Variants in RPL41 observed in about 807,000 individuals in gnomAD.
RPL41 encodes the protein small ribosomal subunit protein eS32.
RPL41 carries 3 observed loss-of-function variants against 7.3 expected under a neutral mutation model. The ratio of observed to expected loss-of-function variants is 0.41; its 90% CI spans 0.19 to 1.06. RPL41 has a LOEUF of 1.06. RPL41 is among the 50% of genes least tolerant of loss of function. The pLI, the probability that RPL41 is intolerant of heterozygous loss-of-function variation, is 0.32. For missense variants in RPL41, 13 were observed against 30.4 expected (o/e 0.43, Z 1.35); for synonymous variants, 9 against 7.4 (o/e 1.21, Z -0.34).
At chr12:56,117,156 T>C in intron 1 of RPL41, 33 bp from the exon 2 acceptor site, 1 of 1,532,232 alleles carries the variant, frequency 6.5e-7, no homozygotes, top group Non-Finnish European at 8.7e-7. Context: ...TTTTTTTTTT[T>C]TTAATTATCT....
rs573142473 is a variant in RPL41 at position 56,117,683 on chromosome 12, GACC to G, written c.*160_*162del. The G allele has an allele frequency of 1.5e-6, 1 of 653,660 alleles. No individual in the cohort carries two copies. The highest frequency in any genetic ancestry group is 1.7e-5 in the South Asian group (1 of 59,226). 40.5% of individuals were successfully genotyped at this position (653,660 alleles called of 1,614,324 possible). On this transcript the variant is annotated 3_prime_UTR_variant, in exon 3 of 3. Transcript: ENST00000546591. ...CCCTCTGATCGCCGATCACCTCTGA[GACC>G]CACCTTGCTCATAAACAAAATGCCC...
At position 56,117,740 on chromosome 12, in the gene RPL41, C is replaced by T. The variant is rs1869665256; in HGVS notation, c.*216C>T. ...TTGGTCCTCTGCCCTGGACCTGTGA[C>T]ATTCTGGACTATTTCTGTGTTTATT... On this transcript the variant is annotated 3_prime_UTR_variant, in exon 3 of 3. Transcript: ENST00000546591. 2 of 567,664 alleles carry T rather than the reference C, an allele frequency of 3.5e-6. No individual in the cohort carries two copies. The highest frequency in any genetic ancestry group is 6.4e-6 in the Non-Finnish European group (2 of 314,778). The allele number at this position is 567,664 out of a possible 1,614,324, so 35.2% of individuals were successfully genotyped here.
In RPL41 at chr12:56,116,878, C is replaced by T. The variant is rs1869620501; in HGVS notation, c.12+79C>T. 8 of 1,543,128 alleles carry T rather than the reference C, an allele frequency of 5.2e-6. No individual in the cohort carries two copies. In the Admixed American group the frequency reaches 1.0e-4, roughly 19 times the overall value. On this transcript the variant is annotated intron_variant, in intron 1 of 2. Transcript: ENST00000546591. ...AGGAGACGAAGGCAAGTCCGCCATA[C>T]CTCCTGAACTACTGGGTTTCAAGGG... is the stretch of plus-strand genomic sequence containing the variant.
At chr12:56,116,832 A>G in intron 1 of RPL41, 33 bp downstream of exon 1, 1 of 1,613,844 alleles carries the variant, frequency 6.2e-7, no homozygotes, top group Non-Finnish European at 8.5e-7. Flanking sequence ...CTTGGGAGGT[A>G]GGAGTTGGCG....
At chr12:56,116,895 T>A (rs978517820) in intron 1 of RPL41, 96 bp downstream of exon 1, 1 of 1,499,220 alleles carries the variant, frequency 6.7e-7, no homozygotes, top group African/African-American at 1.4e-5. Flanking sequence ...AACTACTGGG[T>A]TTCAAGGGTG....
At position 56,117,818 on chromosome 12, in the gene RPL41, T is replaced by A. The variant is rs1452887493; in HGVS notation, c.*294T>A. 1 of 433,946 alleles carries A rather than the reference T, an allele frequency of 2.3e-6. No individual in the cohort carries two copies. The highest frequency in any genetic ancestry group is 4.3e-6 in the Non-Finnish European group (1 of 232,170). The allele number at this position is 433,946 out of a possible 1,614,324, so 26.9% of individuals were successfully genotyped here. A position where few individuals can be genotyped will look rare whatever the true frequency, so the allele number is the denominator to read the frequency against. On this transcript the variant is annotated 3_prime_UTR_variant, in exon 3 of 3. Transcript: ENST00000546591. ...AAATCACCTCTTCCGCTGTTTTAGC[T>A]GAAGAATTAAATCATCTTGTCTATT...
Position 56,116,666 on chromosome 12 carries a change from G to GT in RPL41, c.-116dup. On this transcript the variant is annotated 5_prime_UTR_variant, in exon 1 of 3. Coordinates refer to ENST00000546591, the MANE Select transcript of RPL41 (RefSeq NM_001035267.2). ...CTTAGCGCCATTTTTTTGGGTGAGT[G>GT]TTTTTTGGTTCCTGCGTTGGGATTC... 4.8e-6 allele frequency: 6 copies of GT among 1,261,548 alleles called. No homozygotes were observed. The highest frequency in any genetic ancestry group is 1.7e-5 in the Admixed American group (1 of 57,876). The allele number at this position is 1,261,548 out of a possible 1,614,324, so 78.1% of individuals were successfully genotyped here.
chr12:56,116,661 T>G lies in RPL41; in HGVS notation c.-127T>G. On this transcript the variant is annotated 5_prime_UTR_variant, in exon 1 of 3. Coordinates refer to ENST00000546591, the MANE Select transcript of RPL41 (RefSeq NM_001035267.2). Reference sequence around the variant, plus strand: ...TCGGCCTTAGCGCCATTTTTTTGGGTGAGTGTTTTTTGGTTCCTGCGTTGG... The same window carrying G: ...TCGGCCTTAGCGCCATTTTTTTGGGGGAGTGTTTTTTGGTTCCTGCGTTGG... 2 of 1,155,858 alleles carry G rather than the reference T, an allele frequency of 1.7e-6. No individual in the cohort carries two copies. Among genetic ancestry groups the G allele is most frequent in the South Asian group, 1.2e-5 (1 of 80,660 alleles). The allele number at this position is 1,155,858 out of a possible 1,614,324, so 71.6% of individuals were successfully genotyped here.
rs1346077466 is a variant in RPL41, at chr12:56,117,634, C to T, written c.*110C>T. ...CTGCATGCTACTGTCTAGAGCTTGTCTCAATGGATCTAGAACTTCATCGCC... is the reference window on the plus strand; with the variant it reads ...CTGCATGCTACTGTCTAGAGCTTGTTTCAATGGATCTAGAACTTCATCGCC... On this transcript the variant is annotated 3_prime_UTR_variant, in exon 3 of 3. Coordinates refer to ENST00000546591, the MANE Select transcript of RPL41 (RefSeq NM_001035267.2). 4 of 836,742 alleles carry T rather than the reference C, an allele frequency of 4.8e-6. No individual in the cohort carries two copies. The African/African-American group carries it at 5.0e-5, about 11-fold the overall frequency. 51.8% of individuals were successfully genotyped at this position (836,742 alleles called of 1,614,324 possible). A position where few individuals can be genotyped will look rare whatever the true frequency, so the allele number is the denominator to read the frequency against.
At position 56,117,560 on chromosome 12, in the gene RPL41, C is replaced by T. The variant is rs187497064; in HGVS notation, c.*36C>T. 3.4e-6 allele frequency: 5 copies of T among 1,482,940 alleles called. No individual in the cohort carries two copies. The African/African-American group carries it at 4.2e-5, about 12-fold the overall frequency. The allele number at this position is 1,482,940 out of a possible 1,614,324, so 91.9% of individuals were successfully genotyped here. A position where few individuals can be genotyped will look rare whatever the true frequency, so the allele number is the denominator to read the frequency against. ...TGTTGCACCGTGGAGGCCACAGGAG[C>T]AGAAACATGGAATGCCAGACGCTGG... On this transcript the variant is annotated 3_prime_UTR_variant, in exon 3 of 3. Transcript: ENST00000546591.
Position 56,117,640 on chromosome 12 carries a change from G to A in RPL41, c.*116G>A, listed in dbSNP as rs1158832127. 1.2e-6 allele frequency: 1 copy of A among 823,708 alleles called. No homozygotes were observed. The highest frequency in any genetic ancestry group is 1.7e-5 in the African/African-American group (1 of 59,270). 51.0% of individuals were successfully genotyped at this position (823,708 alleles called of 1,614,324 possible). ...GCTACTGTCTAGAGCTTGTCTCAAT[G>A]GATCTAGAACTTCATCGCCCTCTGA... On this transcript the variant is annotated 3_prime_UTR_variant, in exon 3 of 3. Coordinates refer to ENST00000546591, the MANE Select transcript of RPL41 (RefSeq NM_001035267.2).
intron 1 of RPL41, 52 bp from the exon 2 acceptor site, chr12:56,117,137 C>G (rs1869633698): frequency 2.4e-6 from 3 of 1,271,040 alleles, no homozygotes; most frequent in Non-Finnish European, 3.3e-6. Context: ...AAGCTTCATC[C>G]CTTTTTTTTT....
At chr12:56,117,035 T>TG (rs1869628416) in intron 1 of RPL41, 154 bp from the exon 2 acceptor site, 1 of 1,180,234 alleles carries the variant, frequency 8.5e-7, no homozygotes, top group South Asian at 1.5e-5. Flanking sequence ...AAGTTACTGA[T>TG]GTAGTTGTTA....
chr12:56,116,900 A>G, intron 1 of RPL41, 101 bp downstream of exon 1: 2 of 1,463,238 alleles, frequency 1.4e-6, no homozygotes, highest in Non-Finnish European at 1.9e-6. Context: ...CTGGGTTTCA[A>G]GGGTGCCCAA....
At chr12:56,116,866 A>G in intron 1 of RPL41, 67 bp downstream of exon 1, 1 of 1,586,594 alleles carries the variant, frequency 6.3e-7, no homozygotes, top group Non-Finnish European at 8.7e-7. Flanking sequence ...AGACGAAGGC[A>G]AGTCCGCCAT....
chr12:56,117,137 C>CT, intron 1 of RPL41, 52 bp from the exon 2 acceptor site: 2 of 1,271,036 alleles, frequency 1.6e-6, no homozygotes, highest in Non-Finnish European at 2.2e-6. Context: ...AAGCTTCATC[C>CT]CTTTTTTTTT....
rs1869630885 is a variant in RPL41, at chr12:56,117,073, A to C, written c.13-116A>C. 3 of 1,404,286 alleles carry C rather than the reference A, an allele frequency of 2.1e-6. No individual in the cohort carries two copies. In the East Asian group the frequency reaches 7.4e-5, roughly 35 times the overall value. 87.0% of individuals were successfully genotyped at this position (1,404,286 alleles called of 1,614,324 possible). A position where few individuals can be genotyped will look rare whatever the true frequency, so the allele number is the denominator to read the frequency against. ...ACCAATCTTTCATACTTCTTGGTTA[A>C]GAATCTGTCCGGTTCTAAAGAGTGC... On this transcript the variant is annotated intron_variant, in intron 1 of 2. Coordinates refer to ENST00000546591, the MANE Select transcript of RPL41 (RefSeq NM_001035267.2).
chr12:56,116,667 T>C lies in RPL41; in HGVS notation c.-121T>C, dbSNP rs974231631. The C allele has an allele frequency of 7.9e-7, 1 of 1,270,064 alleles. No homozygotes were observed. The highest frequency in any genetic ancestry group is 1.1e-6 in the Non-Finnish European group (1 of 871,740). 78.7% of individuals were successfully genotyped at this position (1,270,064 alleles called of 1,614,324 possible). A position where few individuals can be genotyped will look rare whatever the true frequency, so the allele number is the denominator to read the frequency against. The stretch of plus-strand genomic sequence containing the variant: ...TTAGCGCCATTTTTTTGGGTGAGTG[T>C]TTTTTGGTTCCTGCGTTGGGATTCC... On this transcript the variant is annotated 5_prime_UTR_variant, in exon 1 of 3. Coordinates refer to ENST00000546591, the MANE Select transcript of RPL41 (RefSeq NM_001035267.2).
rs535158816 is a variant in RPL41 at position 56,117,138 on chromosome 12, CTTTTT to C, written c.13-35_13-31del. 76 of 1,424,820 alleles carry C rather than the reference CTTTTT, an allele frequency of 5.3e-5. No individual in the cohort carries two copies. The South Asian group carries it at 8.3e-4, about 16-fold the overall frequency. The allele number at this position is 1,424,820 out of a possible 1,614,324, so 88.3% of individuals were successfully genotyped here. A position where few individuals can be genotyped will look rare whatever the true frequency, so the allele number is the denominator to read the frequency against. On this transcript the variant is annotated intron_variant, in intron 1 of 2. Coordinates refer to ENST00000546591, the MANE Select transcript of RPL41 (RefSeq NM_001035267.2). ...CTAAGCCTACTAATAAGCTTCATCCCTTTTTTTTTTTTTTTTTTTTAATTATCTGC... is the reference window on the plus strand; with the variant it reads ...CTAAGCCTACTAATAAGCTTCATCCCTTTTTTTTTTTTTTTAATTATCTGC...
Sources: allele counts gnomAD v4.1 joint callset, GRCh38; gene constraint gnomAD v4.1.1; transcripts MANE v1.5; gene names NCBI Gene and HGNC (gene_info 2026-07-23, HGNC 2026-07-21).